The following MYH11 variants were observed in gnomAD, a reference collection of about 807,000 sequenced individuals.
The protein encoded by MYH11 is myosin heavy chain 11.
Under a neutral mutation model 246.6 loss-of-function variants are expected in MYH11, and 80 were observed. That is an observed-to-expected ratio of 0.32 (90% CI 0.27 to 0.39). MYH11 has a LOEUF of 0.39. Among genes scored for constraint, MYH11 ranks in the 10% least tolerant of loss-of-function variants. MYH11 has a pLI of 1.00. For missense variants in MYH11, 2,158 were observed against 2,546.8 expected (o/e 0.85, Z 3.29); for synonymous variants, 1,071 against 1,015.5 (o/e 1.05, Z -1.04).
At chr16:15,815,751 G>A (rs2043247989) in intron 3 of MYH11, among the ~76,000 whole-genome samples, 1 of 152,114 alleles carries the variant, frequency 6.6e-6, no homozygotes, top group Admixed American at 6.5e-5. Flanking sequence ...TACAAAGACA[G>A]TCTAAAAGCT....
chr16:15,714,789 C>T (rs1300377806), intron 40 of MYH11, 120 bp downstream of exon 40: 6 of 1,276,366 alleles, frequency 4.7e-6, no homozygotes, highest in Non-Finnish European at 6.7e-6. Flanking sequence ...CAGGAATAAA[C>T]CACAGAAGGG....
rs1460380823 is a variant in MYH11, at chr16:15,703,226, G to A, written c.*765C>T. The A allele has an allele frequency of 4.7e-6, 1 of 212,136 alleles. No individual in the cohort carries two copies. Among genetic ancestry groups the A allele is most frequent in the African/African-American group, 2.3e-5 (1 of 44,182 alleles). 13.1% of individuals were successfully genotyped at this position (212,136 alleles called of 1,614,324 possible). On this transcript the variant is annotated 3_prime_UTR_variant, in exon 41 of 41. Transcript: ENST00000300036. ...ATTCCTGCTCCCCTCCGTGGGAGCAGCGTCTCCTTTTCAATTCATGTGACT... is the reference window on the plus strand; with the variant it reads ...ATTCCTGCTCCCCTCCGTGGGAGCAACGTCTCCTTTTCAATTCATGTGACT...
chr16:15,780,674 G>A (rs2042332471), intron 6 of MYH11, among the ~76,000 whole-genome samples: 1 of 151,570 alleles, frequency 6.6e-6, no homozygotes, highest in South Asian at 2.1e-4. Flanking sequence ...GTAGAGACAG[G>A]GTTTCACCAT....
intron 27 of MYH11, among the ~76,000 whole-genome samples, chr16:15,731,658 A>C (rs2040965235): frequency 6.6e-6 from 1 of 151,372 alleles, no homozygotes; most frequent in Non-Finnish European, 1.5e-5. Flanking sequence ...CACCCAGCTA[A>C]TTCTTTATAT....
At chr16:15,728,962 G>A (rs1249828382) in intron 27 of MYH11, among the ~76,000 whole-genome samples, 2 of 152,098 alleles carry the variant, frequency 1.3e-5, no homozygotes, top group African/African-American at 4.8e-5. Flanking sequence ...AGGTTGTAGA[G>A]AAGGGGAAAG....
chr16:15,749,136 A>G (rs1456381197), intron 16 of MYH11: 2 of 149,656 alleles, frequency 1.3e-5, no homozygotes, highest in African/African-American at 4.9e-5. Flanking sequence ...TGACCTATTT[A>G]GCATTTTCTT....
chr16:15,800,448 AG>A (rs1876355451), intron 3 of MYH11, among the ~76,000 whole-genome samples: 2 of 150,568 alleles, frequency 1.3e-5, no homozygotes, highest in Admixed American at 1.3e-4. Context: ...AGAAGAAAGG[AG>A]GGAAGGGTGT....
chr16:15,786,155 G>T, intron 5 of MYH11: 1 of 325,772 alleles, frequency 3.1e-6, no homozygotes, highest in Non-Finnish European at 6.0e-6. Flanking sequence ...TCTCAATCAA[G>T]GGCAACTGTC....
intron 35 of MYH11, 67 bp downstream of exon 35, chr16:15,719,518 T>C (rs1278799035): frequency 6.2e-7 from 1 of 1,609,354 alleles, no homozygotes; most frequent in Admixed American, 1.7e-5. Context: ...ATGCACAGAC[T>C]GGAGCTGCCA....
chr16:15,747,850 T>A, intron 18 of MYH11, 24 bp downstream of exon 18: 1 of 1,611,086 alleles, frequency 6.2e-7, no homozygotes, highest in Non-Finnish European at 8.5e-7. Flanking sequence ...GGTTGGGAGG[T>A]CTCTGGTGGA....
intron 36 of MYH11, chr16:15,718,674 C>A: frequency 1.7e-6 from 1 of 596,580 alleles, no homozygotes; most frequent in Admixed American, 3.0e-5. Flanking sequence ...ACACTCCTCC[C>A]TGACTCTTCC....
chr16:15,717,820 G>C (rs1178356152), intron 37 of MYH11: 1 of 263,646 alleles, frequency 3.8e-6, no homozygotes, highest in Non-Finnish European at 7.4e-6. Flanking sequence ...TTCCACAAGT[G>C]TCAGTGCCAC....
At chr16:15,705,984 C>CAGAAAAAAAA (rs2039427992) in intron 40 of MYH11, among the ~76,000 whole-genome samples, 1 of 56,768 alleles carries the variant, frequency 1.8e-5, no homozygotes, top group Non-Finnish European at 2.8e-5. Flanking sequence ...GACTCCGTCT[C>CAGAAAAAAAA]AAAAAAAAAA....
rs763280025 is a variant in MYH11, at chr16:15,724,691, C to A, written c.4072G>T (p.Ala1358Ser). Residue 1358 changes from alanine (A) to serine (S), a missense_variant, in exon 30 of 41, where the codon GCC (alanine) becomes TCC (serine). Ala to Ser is a moderately conservative substitution (Grantham distance 99). Transcript: ENST00000300036. Reference sequence around the variant, plus strand: ...ATGTGGCGCTCCAGGTTCTGCTTGGCCTCCATCTCCTCGTCCAGCTGGTCT... The same window carrying A: ...ATGTGGCGCTCCAGGTTCTGCTTGGACTCCATCTCCTCGTCCAGCTGGTCT... Reference protein sequence around the residue: ...LQDQLDEEMEAKQNLERHIST... With the variant: ...LQDQLDEEMESKQNLERHIST... 10 of 1,614,192 alleles carry A rather than the reference C, an allele frequency of 6.2e-6. No homozygotes were observed. The Admixed American group carries it at 1.7e-4, about 27-fold the overall frequency.
intron 9 of MYH11, among the ~76,000 whole-genome samples, chr16:15,768,567 G>T (rs757060702): frequency 2.0e-5 from 3 of 152,094 alleles, no homozygotes; most frequent in South Asian, 4.1e-4. Context: ...TCATTTGCAC[G>T]CCATCGTCTG....
chr16:15,722,812 C>G (rs2040554453), intron 31 of MYH11, among the ~76,000 whole-genome samples: 1 of 152,216 alleles, frequency 6.6e-6, no homozygotes, highest in South Asian at 2.1e-4. Context: ...GCAATCTTGG[C>G]TCACTGCAAC....
chr16:15,763,741 T>TGGGGGGGCCCC, intron 10 of MYH11, 55 bp downstream of exon 10: 2 of 646,848 alleles, frequency 3.1e-6, no homozygotes, highest in Non-Finnish European at 2.9e-6. Flanking sequence ...AAATGTCACC[T>TGGGGGGGCCCC]CCCCCACCCC....
intron 25 of MYH11, among the ~76,000 whole-genome samples, chr16:15,735,824 G>A (rs765721893): frequency 5.3e-5 from 8 of 152,246 alleles, no homozygotes; most frequent in Non-Finnish European, 7.3e-5. Flanking sequence ...GTGTATGCAC[G>A]TGTGTGCATG....
chr16:15,856,349 C>A (rs200246498), intron 1 of MYH11, among the ~76,000 whole-genome samples: 27,699 of 146,208 alleles, frequency 0.19, 3,257 homozygotes, highest in East Asian at 0.43. Flanking sequence ...AAAAAAACAA[C>A]AACACTCCTT....
Sources: gnomAD v4.1 joint callset for allele counts (sites outside exome capture counted in the v4.1 genomes callset) on GRCh38, gnomAD v4.1.1 for gene constraint, MANE v1.5 for transcripts, NCBI Gene and HGNC (gene_info 2026-07-23, HGNC 2026-07-21) for gene names.